The following BOK variants were observed in gnomAD, a reference collection of about 807,000 sequenced individuals.
BOK encodes the protein BCL2 family apoptosis regulator BOK, also known as bcl-2-related ovarian killer protein.
A neutral mutation model predicts 18.3 loss-of-function variants in BOK; 20 were observed. That is an observed-to-expected ratio of 1.09 (90% CI 0.77 to 1.59). The LOEUF is 1.59. Ranked by LOEUF, BOK falls within the 40% of genes most tolerant of loss-of-function variation. The pLI, the probability that BOK is intolerant of heterozygous loss-of-function variation, is 0.00. For missense variants in BOK, 348 were observed against 307.9 expected (o/e 1.13, Z -0.97); for synonymous variants, 173 against 142.4 (o/e 1.21, Z -1.53).
chr2:241,563,804 A>G (rs1404006497), intron 3 of BOK, among the ~76,000 whole-genome samples: 1 of 152,226 alleles, frequency 6.6e-6, no homozygotes, highest in African/African-American at 2.4e-5. Flanking sequence ...ATCCCACGCC[A>G]CGGGGTGACC....
intron 1 of BOK, 61 bp from the exon 2 acceptor site, chr2:241,559,394 C>T (rs1574994003): frequency 1.3e-5 from 14 of 1,113,904 alleles, no homozygotes; most frequent in Non-Finnish European, 1.6e-5. Context: ...CAGCCCGGCG[C>T]CCCGCGCGCC....
rs1435050836 is a variant in BOK, at chr2:241,562,349, C to T, written c.222C>T (p.Gly74=). 8.8e-6 allele frequency: 14 copies of T among 1,598,806 alleles called. No homozygotes were observed. The highest frequency in any genetic ancestry group is 4.5e-5 in the East Asian group (2 of 44,766). Residue 74 remains glycine, a splice_region_variant and synonymous_variant, in exon 3 of 5, where the codon GGC becomes GGT. Transcript: ENST00000318407. The surrounding 1 kb of genome is among the most constrained non-coding windows in gnomAD (Gnocchi z 4.5). ...TCACCTGCTCTTGTGACCACACAGG[C>T]GATGAGCTGGAGATGATCCGGCCCA... ...AEVCAVLLRL[G]DELEMIRPSV...
At chr2:241,570,397 G>C in intron 4 of BOK, 109 bp downstream of exon 4, 1 of 784,850 alleles carries the variant, frequency 1.3e-6, no homozygotes, top group Non-Finnish European at 1.8e-6. Context: ...GGGTGGGAGA[G>C]CTGGGGTGCG....
intron 4 of BOK, 98 bp downstream of exon 4, chr2:241,570,386 G>T (rs1486610262): frequency 1.6e-4 from 164 of 995,172 alleles, no homozygotes; most frequent in Non-Finnish European, 2.1e-4. Context: ...GAGCGCCTGG[G>T]GGGTGGGAGA....
At chr2:241,569,650 C>A (rs149703335) in intron 3 of BOK, among the ~76,000 whole-genome samples, 2,422 of 152,142 alleles carry the variant, frequency 0.016, 28 homozygotes, top group Non-Finnish European at 0.024. Context: ...TTTATTCTTT[C>A]CCCCGCTGTC....
upstream of BOK, among the ~76,000 whole-genome samples, chr2:241,556,343 G>A (rs991906524): frequency 6.6e-6 from 1 of 152,194 alleles, no homozygotes; most frequent in Non-Finnish European, 1.5e-5. Context: ...CCAGAACTTT[G>A]TGATGCCAAG....
rs550866025 is a variant in BOK, at chr2:241,563,526, G to A, written c.349+1050G>A. Among the ~76,000 whole-genome samples the A allele has an allele frequency of 4.6e-5, 7 of 152,348 alleles. No homozygotes were observed. The East Asian group carries it at 1.3e-3, about 29-fold the overall frequency. ...AGGTGCTGGGCACAGCTCTGGGCCA[G>A]TGAACCCCGGGGTGCGCAGGATTCC... On this transcript the variant is annotated intron_variant, in intron 3 of 4. Coordinates refer to ENST00000318407, the MANE Select transcript of BOK (RefSeq NM_032515.5).
Position 241,562,730 on chromosome 2 carries a change from T to A in BOK, c.349+254T>A, listed in dbSNP as rs966372636. ...AGCTGGCACAGGCTTCTTGATTGGT[T>A]GTAGTTGTGGTCCAGCATCCGTGGG... On this transcript the variant is annotated intron_variant, in intron 3 of 4. Coordinates refer to ENST00000318407, the MANE Select transcript of BOK (RefSeq NM_032515.5). The surrounding 1 kb of genome is among the most constrained non-coding windows in gnomAD (Gnocchi z 4.5). Among the ~76,000 whole-genome samples, 3 of 152,104 alleles carry A rather than the reference T, an allele frequency of 2.0e-5. No individual in the cohort carries two copies. The highest frequency in any genetic ancestry group is 7.2e-5 in the African/African-American group (3 of 41,424).
At chr2:241,571,838 A>C (rs1016712626) in intron 4 of BOK, among the ~76,000 whole-genome samples, 5 of 152,268 alleles carry the variant, frequency 3.3e-5, no homozygotes, top group African/African-American at 1.2e-4. Context: ...CTGTTGTTCC[A>C]GGCAGAGTCT....
At chr2:241,570,083 G>A in intron 3 of BOK, 42 bp from the exon 4 acceptor site, 1 of 1,589,428 alleles carries the variant, frequency 6.3e-7, no homozygotes, top group Admixed American at 1.8e-5. Flanking sequence ...GCTCCCGTGG[G>A]CGGGATTCAA....
chr2:241,570,041 C>T (rs1182100393), intron 3 of BOK, 84 bp from the exon 4 acceptor site: 12 of 1,462,054 alleles, frequency 8.2e-6, no homozygotes, highest in African/African-American at 2.8e-5. Context: ...AGCAGGACAG[C>T]GGCTCAGAGA....
intron 1 of BOK, among the ~76,000 whole-genome samples, chr2:241,553,014 A>G (rs1419762136): frequency 1.3e-5 from 2 of 152,252 alleles, no homozygotes; most frequent in African/African-American, 2.4e-5. Flanking sequence ...GTGGGTGGAG[A>G]GGCCAGTCCA....
At chr2:241,553,918 G>A (rs1336564570), upstream of BOK, among the ~76,000 whole-genome samples, 1 of 152,164 alleles carries the variant, frequency 6.6e-6, no homozygotes, top group Non-Finnish European at 1.5e-5. Flanking sequence ...TTCCAAGACC[G>A]GCAGACCTCC....
intron 1 of BOK, among the ~76,000 whole-genome samples, chr2:241,551,888 G>A (rs368437236): frequency 2.7e-4 from 41 of 151,766 alleles, no homozygotes; most frequent in African/African-American, 8.5e-4. Flanking sequence ...TATTCACCTC[G>A]GCCACTTGAA....
chr2:241,557,724 A>G (rs1428195733), upstream of BOK, among the ~76,000 whole-genome samples: 1 of 152,060 alleles, frequency 6.6e-6, no homozygotes, highest in African/African-American at 2.4e-5. Flanking sequence ...ACATATTTTA[A>G]TCTTCCACTG....
chr2:241,555,980 G>C (rs1281738309), upstream of BOK, among the ~76,000 whole-genome samples: 1 of 152,214 alleles, frequency 6.6e-6, no homozygotes, highest in South Asian at 2.1e-4. Context: ...GCAAGTACAG[G>C]CTCTTCCCCT....
rs372169579 is a variant in BOK, at chr2:241,551,902, G to T, written n.54+425G>T. ...GTATTCACCTCGGCCACTTGAACCTGGAGTGGGGGTGACCCGTGGGGTGGG... is the reference window on the plus strand; with the variant it reads ...GTATTCACCTCGGCCACTTGAACCTTGAGTGGGGGTGACCCGTGGGGTGGG... On this transcript the variant is annotated intron_variant and non_coding_transcript_variant, in intron 1 of 1. Transcript: ENST00000641230. Among the ~76,000 whole-genome samples, 7 of 152,028 alleles carry T rather than the reference G, an allele frequency of 4.6e-5. No homozygotes were observed. In the East Asian group the frequency reaches 9.7e-4, roughly 21 times the overall value.
rs199967975 is a variant in BOK at position 241,570,280 on chromosome 2, G to T, written c.505G>T (p.Gly169Cys). Residue 169 changes from glycine (G) to cysteine (C), a missense_variant, in exon 4 of 5, where the codon GGC becomes TGC. Gly to Cys is a radical substitution (Grantham distance 159). Coordinates refer to ENST00000318407, the MANE Select transcript of BOK (RefSeq NM_032515.5). ...KTLATWLRRR[G>C]GWTDVLKCVV... ...CCTGGCAACCTGGCTGCGGAGACGC[G>T]GCGGATGGGTGAGCGCCTGAGTGCC... is the stretch of plus-strand genomic sequence containing the variant. 4 of 1,558,570 alleles carry T rather than the reference G, an allele frequency of 2.6e-6. No individual in the cohort carries two copies. In the African/African-American group the frequency reaches 4.1e-5, roughly 16 times the overall value.
In BOK at chr2:241,572,648, C is replaced by T. The variant is rs559752347; in HGVS notation, c.*226C>T. The T allele has an allele frequency of 2.1e-5, 13 of 619,816 alleles. No homozygotes were observed. Among genetic ancestry groups the T allele is most frequent in the Middle Eastern group, 4.4e-4 (1 of 2,270 alleles). 38.4% of individuals were successfully genotyped at this position (619,816 alleles called of 1,614,324 possible). ...CTTTGGGGCAGCCTGCGACCCTCCC[C>T]GCTTGTGTCCCTTCTCCTGTGATCT... On this transcript the variant is annotated 3_prime_UTR_variant, in exon 5 of 5. Coordinates refer to ENST00000318407, the MANE Select transcript of BOK (RefSeq NM_032515.5).
Sources: gnomAD v4.1 joint callset for allele counts (sites outside exome capture counted in the v4.1 genomes callset) on GRCh38, gnomAD v4.1.1 for gene constraint, Gnocchi (gnomAD v3.1) non-coding constraint, MANE v1.5 for transcripts, NCBI Gene and HGNC (gene_info 2026-07-23, HGNC 2026-07-21) for gene names.